Variants in CEP112 observed in about 807,000 individuals in gnomAD.
CEP112 encodes the protein centrosomal protein of 112 kDa.
Under a neutral mutation model 153.0 loss-of-function variants are expected in CEP112, and 127 were observed. The ratio of observed to expected loss-of-function variants is 0.83; its 90% CI spans 0.72 to 0.96. The LOEUF (loss-of-function observed/expected upper bound fraction) is 0.96, where lower values mean the gene tolerates loss of function less well. Among genes scored for constraint, CEP112 ranks in the 40% least tolerant of loss-of-function variants. The pLI, the probability that CEP112 is intolerant of heterozygous loss-of-function variation, is 0.00. For missense variants in CEP112, 1,089 were observed against 1,101.2 expected (o/e 0.99, Z 0.16); for synonymous variants, 358 against 374.4 (o/e 0.96, Z 0.51).
chr17:65,922,427 T>G (rs901473427), intron 19 of CEP112, among the ~76,000 whole-genome samples: 3 of 152,192 alleles, frequency 2.0e-5, no homozygotes, highest in African/African-American at 4.8e-5. Flanking sequence ...ATACTTTTTA[T>G]TTAGTCAAAT....
At chr17:65,947,554 CAA>C (rs1226938755) in intron 18 of CEP112, among the ~76,000 whole-genome samples, 3 of 152,060 alleles carry the variant, frequency 2.0e-5, no homozygotes, top group Non-Finnish European at 4.4e-5. Context: ...TTTCTTTCTG[CAA>C]AAGAGATTAG....
At chr17:66,055,657 T>C (rs964664759) in intron 11 of CEP112, among the ~76,000 whole-genome samples, 1 of 152,170 alleles carries the variant, frequency 6.6e-6, no homozygotes, top group Non-Finnish European at 1.5e-5. Context: ...TAATAGCCCA[T>C]CAAAACTTAG....
At chr17:66,003,719 G>A (rs533756014) in intron 17 of CEP112, among the ~76,000 whole-genome samples, 1 of 152,280 alleles carries the variant, frequency 6.6e-6, no homozygotes, top group African/African-American at 2.4e-5. Context: ...TGAGCCCCGG[G>A]CAAGCCAGCA....
chr17:65,963,849 T>G (rs2062313447), intron 17 of CEP112, among the ~76,000 whole-genome samples: 2 of 152,318 alleles, frequency 1.3e-5, no homozygotes, highest in Non-Finnish European at 2.9e-5. Flanking sequence ...TCTTTTCATA[T>G]CCCATGTATC....
At chr17:66,150,038 C>A (rs1196063829) in intron 4 of CEP112, among the ~76,000 whole-genome samples, 2 of 148,046 alleles carry the variant, frequency 1.4e-5, no homozygotes, top group Non-Finnish European at 3.0e-5. Context: ...GCACTACGGG[C>A]GCATGCTATC....
intron 23 of CEP112, among the ~76,000 whole-genome samples, chr17:65,738,973 T>C (rs991762036): frequency 9.2e-5 from 14 of 152,222 alleles, no homozygotes; most frequent in African/African-American, 2.9e-4. Flanking sequence ...ATGACCTATC[T>C]TGATCAATCG....
intron 4 of CEP112, among the ~76,000 whole-genome samples, chr17:66,169,814 A>C (rs774849685): frequency 1.3e-5 from 2 of 152,218 alleles, no homozygotes; most frequent in African/African-American, 2.4e-5. Context: ...GCTTTATAAC[A>C]AATTATTACA....
chr17:65,740,491 C>T (rs1366921923), intron 23 of CEP112, among the ~76,000 whole-genome samples: 1 of 152,128 alleles, frequency 6.6e-6, no homozygotes, highest in East Asian at 1.9e-4. Context: ...TTATATTGCA[C>T]CTGACTGGTG....
intron 23 of CEP112, among the ~76,000 whole-genome samples, chr17:65,700,028 T>C (rs1377193086): frequency 6.6e-6 from 1 of 152,032 alleles, no homozygotes; most frequent in Non-Finnish European, 1.5e-5. Flanking sequence ...CTTCCAGAAA[T>C]CCTTCCCTTT....
At chr17:65,837,417 C>T (rs145679803) in intron 21 of CEP112, among the ~76,000 whole-genome samples, 175 of 152,004 alleles carry the variant, frequency 1.2e-3, no homozygotes, top group Non-Finnish European at 2.1e-3. Flanking sequence ...GCCCCGCCGC[C>T]CCATCTGAAA....
chr17:65,751,151 T>C (rs1471220968), intron 21 of CEP112: 2 of 157,488 alleles, frequency 1.3e-5, no homozygotes, highest in African/African-American at 2.4e-5. Flanking sequence ...TAGATGCTTC[T>C]GGACAAAGGA....
intron 17 of CEP112, among the ~76,000 whole-genome samples, chr17:65,999,480 C>T (rs7222224): frequency 0.51 from 78,078 of 151,908 alleles, 21,001 homozygotes; most frequent in African/African-American, 0.59. Context: ...GGATTACAAG[C>T]GTGAGCCACC....
chr17:65,831,565 A>C (rs1161417815), intron 21 of CEP112, among the ~76,000 whole-genome samples: 1 of 151,942 alleles, frequency 6.6e-6, no homozygotes, highest in Non-Finnish European at 1.5e-5. Context: ...TCAAAAAAAA[A>C]AAAAAAGAAC....
At chr17:66,148,221 G>A (rs1171374177) in intron 4 of CEP112, among the ~76,000 whole-genome samples, 1 of 152,088 alleles carries the variant, frequency 6.6e-6, no homozygotes, top group East Asian at 1.9e-4. Flanking sequence ...CAGATCTAGT[G>A]AGACTTATTT....
At chr17:65,970,196 CTGCA>C (rs988941523) in intron 17 of CEP112, among the ~76,000 whole-genome samples, 9 of 121,554 alleles carry the variant, frequency 7.4e-5, no homozygotes, top group Non-Finnish European at 1.1e-4. Flanking sequence ...TGCATATATG[CTGCA>C]TGCATGTCAT....
chr17:66,071,233 C>T (rs920779177), intron 8 of CEP112, among the ~76,000 whole-genome samples: 1 of 151,872 alleles, frequency 6.6e-6, no homozygotes, highest in African/African-American at 2.4e-5. Flanking sequence ...AAATTCATGA[C>T]TTAAATGTTA....
At chr17:65,812,940 C>T (rs1194968658) in intron 21 of CEP112, among the ~76,000 whole-genome samples, 2 of 152,118 alleles carry the variant, frequency 1.3e-5, no homozygotes, top group Non-Finnish European at 2.9e-5. Context: ...ATTGCTCTTC[C>T]AAAGCCATTA....
intron 20 of CEP112, 38 bp downstream of exon 20, chr17:65,902,114 A>C: frequency 1.3e-6 from 2 of 1,522,808 alleles, no homozygotes; most frequent in Non-Finnish European, 1.8e-6. Context: ...ACTTTTTAAA[A>C]ACAGATACCC....
At chr17:65,928,051 A>C (rs2060993305) in intron 18 of CEP112, among the ~76,000 whole-genome samples, 1 of 152,198 alleles carries the variant, frequency 6.6e-6, no homozygotes, top group Non-Finnish European at 1.5e-5. Context: ...CATATCTTGA[A>C]TATATAAAGA....
Sources: gnomAD v4.1 joint callset for allele counts (sites outside exome capture counted in the v4.1 genomes callset) on GRCh38, gnomAD v4.1.1 for gene constraint, MANE v1.5 for transcripts, NCBI Gene and HGNC (gene_info 2026-07-23, HGNC 2026-07-21) for gene names.